The following ST14 variants were observed in gnomAD, a reference collection of about 807,000 sequenced individuals.
ST14 encodes the protein ST14 transmembrane serine protease matriptase.
ST14 carries 40 observed loss-of-function variants against 96.5 expected under a neutral mutation model. That is an observed-to-expected ratio of 0.41 (90% CI 0.32 to 0.54). The LOEUF is 0.54. Among genes scored for constraint, ST14 ranks in the 20% least tolerant of loss-of-function variants. ST14 has a pLI of 0.17. For synonymous variants in ST14, 506 were observed against 492.1 expected (o/e 1.03, Z -0.37); for missense variants, 1,066 against 1,188.9 (o/e 0.90, Z 1.52).
chr11:130,207,826 G>C (rs1029406056), intron 16 of ST14, among the ~76,000 whole-genome samples: 7 of 152,066 alleles, frequency 4.6e-5, no homozygotes, highest in African/African-American at 1.4e-4. Flanking sequence ...TAATCCCAGC[G>C]CTTTGGGAGG....
chr11:130,197,014 T>C (rs1565626496), intron 11 of ST14, among the ~76,000 whole-genome samples: 1 of 152,140 alleles, frequency 6.6e-6, no homozygotes, highest in Non-Finnish European at 1.5e-5. Context: ...ACCGTGACTT[T>C]GATCATCTGT....
chr11:130,160,072 C>A lies in ST14; in HGVS notation c.81+12C>A. On this transcript the variant is annotated intron_variant, in intron 1 of 18. Coordinates refer to ENST00000278742, the MANE Select transcript of ST14 (RefSeq NM_021978.4). ...ACTCCCGGCACGAGGTGAGCGCGGGCCGGGGACCCGGGGCGCTGGGAAGCT... is the reference window on the plus strand; with the variant it reads ...ACTCCCGGCACGAGGTGAGCGCGGGACGGGGACCCGGGGCGCTGGGAAGCT... 1 of 1,415,436 alleles carries A rather than the reference C, an allele frequency of 7.1e-7. No homozygotes were observed. Among genetic ancestry groups the A allele is most frequent in the Non-Finnish European group, 9.3e-7 (1 of 1,075,096 alleles). 87.7% of individuals were successfully genotyped at this position (1,415,436 alleles called of 1,614,324 possible).
chr11:130,170,782 G>A (rs906779149), intron 1 of ST14, among the ~76,000 whole-genome samples: 1 of 152,050 alleles, frequency 6.6e-6, no homozygotes, highest in African/African-American at 2.4e-5. Context: ...ATACAGTGGT[G>A]GGCACAGCAG....
In ST14 at chr11:130,195,843, A is replaced by G. The variant is rs535260232; in HGVS notation, c.1114-496A>G. Among the ~76,000 whole-genome samples the G allele has an allele frequency of 4.2e-4, 44 of 103,864 alleles. No homozygotes were observed. The East Asian group carries it at 0.012, about 29-fold the overall frequency. 68.1% of individuals were successfully genotyped at this position (103,864 alleles called of 152,430 possible). Reference sequence around the variant, plus strand: ...ACTCCAGTCTGGGTGACAGAGTGAGACTTTGTCTCAAAAAAAAAAAAAAAG... The same window carrying G: ...ACTCCAGTCTGGGTGACAGAGTGAGGCTTTGTCTCAAAAAAAAAAAAAAAG... On this transcript the variant is annotated intron_variant, in intron 9 of 18. Coordinates refer to ENST00000278742, the MANE Select transcript of ST14 (RefSeq NM_021978.4).
chr11:130,193,465 A>C (rs991522087), intron 7 of ST14, among the ~76,000 whole-genome samples: 10 of 148,070 alleles, frequency 6.8e-5, no homozygotes, highest in African/African-American at 2.5e-4. Flanking sequence ...TATTGTGTCT[A>C]GGGTGTTGCT....
At chr11:130,180,821 G>A (rs1315253264) in intron 1 of ST14, among the ~76,000 whole-genome samples, 1 of 152,196 alleles carries the variant, frequency 6.6e-6, no homozygotes, top group Non-Finnish European at 1.5e-5. Context: ...TGGCCCTCTA[G>A]AAATCAGTGT....
chr11:130,204,195 A>G (rs1243996391), intron 16 of ST14, among the ~76,000 whole-genome samples: 2 of 152,192 alleles, frequency 1.3e-5, no homozygotes, highest in Non-Finnish European at 2.9e-5. Flanking sequence ...ATCGCATCAC[A>G]GATGCCCAGA....
intron 1 of ST14, among the ~76,000 whole-genome samples, chr11:130,175,727 G>A (rs1186401203): frequency 1.3e-5 from 2 of 148,200 alleles, no homozygotes; most frequent in Non-Finnish European, 3.0e-5. Flanking sequence ...GCAATGGTGC[G>A]ATCTCGGCTC....
chr11:130,184,739 G>T (rs1314025583), intron 1 of ST14, among the ~76,000 whole-genome samples: 2 of 152,194 alleles, frequency 1.3e-5, no homozygotes, highest in African/African-American at 4.8e-5. Context: ...TGGAGAGATT[G>T]AATCAAAGAA....
At chr11:130,184,637 G>C (rs1454421024) in intron 1 of ST14, among the ~76,000 whole-genome samples, 1 of 152,124 alleles carries the variant, frequency 6.6e-6, no homozygotes, top group African/African-American at 2.4e-5. Flanking sequence ...GACAAGAAAG[G>C]ACATTGTTAG....
intron 1 of ST14, among the ~76,000 whole-genome samples, chr11:130,168,004 C>A (rs982405630): frequency 6.6e-6 from 1 of 152,188 alleles, no homozygotes; most frequent in Non-Finnish European, 1.5e-5. Context: ...CATGAGCCAC[C>A]GTGCCCAGCC....
chr11:130,160,095 G>C, intron 1 of ST14, 35 bp downstream of exon 1: 2 of 1,360,892 alleles, frequency 1.5e-6, no homozygotes, highest in Non-Finnish European at 1.9e-6. Context: ...GCGCTGGGAA[G>C]CTCCTGCCCG....
At chr11:130,164,753 T>TATTA (rs1565616618) in intron 1 of ST14, among the ~76,000 whole-genome samples, 2 of 148,576 alleles carry the variant, frequency 1.3e-5, no homozygotes, top group African/African-American at 2.5e-5. Flanking sequence ...TTATTATTAT[T>TATTA]TTGAGATGGA....
Position 130,199,015 on chromosome 11 carries a change from C to A in ST14, c.1753C>A (p.Pro585Thr). ...TGGGCTCTGCTTGAGCAAGGGCAAC[C>A]CTGAGTGTGACGGGAAGGAGGACTG... ...LNGLCLSKGN[P>T]ECDGKEDCSD... The change falls in exon 15 of 19, where the codon CCT becomes ACT. Residue 585 changes from proline (P) to threonine (T), a missense_variant. Coordinates refer to ENST00000278742, the MANE Select transcript of ST14 (RefSeq NM_021978.4). The A allele has an allele frequency of 6.2e-7, 1 of 1,614,102 alleles. No individual in the cohort carries two copies. Among genetic ancestry groups the A allele is most frequent in the Non-Finnish European group, 8.5e-7 (1 of 1,180,004 alleles).
chr11:130,175,758 G>T (rs1424469203), intron 1 of ST14, among the ~76,000 whole-genome samples: 1 of 151,538 alleles, frequency 6.6e-6, no homozygotes, highest in Non-Finnish European at 1.5e-5. Flanking sequence ...CCACCCCCTG[G>T]GTTCAAGCGA....
chr11:130,187,289 G>A lies in ST14; in HGVS notation c.82-825G>A, dbSNP rs754059644. Among the ~76,000 whole-genome samples, 36 of 152,332 alleles carry A rather than the reference G, an allele frequency of 2.4e-4. No individual in the cohort carries two copies. The highest frequency in any genetic ancestry group is 6.8e-3 in the Middle Eastern group (2 of 294). On this transcript the variant is annotated intron_variant, in intron 1 of 18. Transcript: ENST00000278742. The surrounding 1 kb of genome is among the most constrained non-coding windows in gnomAD (Gnocchi z 4.5). ...TATCGGCAGAAGCCTTCGCCGGTCC[G>A]TCACTGGGTGCAGCAGACACCCCAC... is the stretch of plus-strand genomic sequence containing the variant.
rs1181513662 is a variant in ST14 at position 130,188,376 on chromosome 11, T to A, written c.241+103T>A. 30 of 1,580,168 alleles carry A rather than the reference T, an allele frequency of 1.9e-5. No individual in the cohort carries two copies. The highest frequency in any genetic ancestry group is 2.5e-5 in the Non-Finnish European group (29 of 1,160,356). On this transcript the variant is annotated intron_variant, in intron 2 of 18. Coordinates refer to ENST00000278742, the MANE Select transcript of ST14 (RefSeq NM_021978.4). This position sits in a 1 kb window ranked among gnomAD's most constrained non-coding sequence, Gnocchi z 5.4. ...GCCACCTACTGAGTACACGAGGATC[T>A]CTTGGCCTCTCTGGAACCCTGATGG...
At chr11:130,206,569 T>TTCC (rs1555156259) in intron 16 of ST14, among the ~76,000 whole-genome samples, 1 of 147,586 alleles carries the variant, frequency 6.8e-6, no homozygotes, top group Non-Finnish European at 1.5e-5. Flanking sequence ...TTTCTTTTCT[T>TTCC]TTTTTTTTTC....
At chr11:130,186,553 A>T (rs1003791722) in intron 1 of ST14, among the ~76,000 whole-genome samples, 7 of 152,242 alleles carry the variant, frequency 4.6e-5, no homozygotes, top group Admixed American at 1.3e-4. Flanking sequence ...GTATGTAAAG[A>T]TTTGGGTACA....
Sources: gnomAD v4.1 joint callset for allele counts (sites outside exome capture counted in the v4.1 genomes callset) on GRCh38, gnomAD v4.1.1 for gene constraint, Gnocchi (gnomAD v3.1) non-coding constraint, MANE v1.5 for transcripts, NCBI Gene and HGNC (gene_info 2026-07-23, HGNC 2026-07-21) for gene names.